The following ADGRL3 variants were observed in gnomAD, a reference collection of about 807,000 sequenced individuals.
The protein encoded by ADGRL3 is calcium-independent alpha-latrotoxin receptor 3.
ADGRL3 carries 62 observed loss-of-function variants against 153.5 expected under a neutral mutation model. The ratio of observed to expected loss-of-function variants is 0.40; its 90% CI spans 0.33 to 0.50. The LOEUF (loss-of-function observed/expected upper bound fraction) is 0.50, where lower values mean the gene tolerates loss of function less well. Ranked by LOEUF, ADGRL3 falls within the 20% of genes least tolerant of loss-of-function variation. The pLI is 0.47. For missense variants in ADGRL3, 1,641 were observed against 1,859.4 expected (o/e 0.88, Z 2.16); for synonymous variants, 710 against 672.5 (o/e 1.06, Z -0.86).
rs975328225 is a variant in ADGRL3 at position 61,815,651 on chromosome 4, T to C, written c.1480+1762T>C. ...GTTTGTATCCCTGCCAAAATTCATA[T>C]TGAAACTTAATCATCAGTGCAACTG... is the stretch of plus-strand genomic sequence containing the variant. On this transcript the variant is annotated intron_variant, in intron 9 of 26. Transcript: ENST00000683033. 2.6e-5 allele frequency among the ~76,000 whole-genome samples: 4 copies of C among 152,246 alleles called. No individual in the cohort carries two copies. The East Asian group carries it at 5.8e-4, about 22-fold the overall frequency.
chr4:61,925,631 C>A (rs2098791158), intron 13 of ADGRL3, among the ~76,000 whole-genome samples: 1 of 151,996 alleles, frequency 6.6e-6, no homozygotes, highest in African/African-American at 2.4e-5. Context: ...AAAGCAGGAG[C>A]AAGAGAGAGA....
intron 1 of ADGRL3, among the ~76,000 whole-genome samples, chr4:61,308,052 G>T (rs576350620): frequency 6.6e-6 from 1 of 152,240 alleles, no homozygotes; most frequent in Non-Finnish European, 1.5e-5. Context: ...AGATCTCTCT[G>T]AAAACAAGAG....
chr4:61,470,939 A>G (rs568643815), intron 2 of ADGRL3, among the ~76,000 whole-genome samples: 1 of 152,076 alleles, frequency 6.6e-6, no homozygotes, highest in Non-Finnish European at 1.5e-5. Flanking sequence ...TGCAAAGAAT[A>G]TATTTTAGAA....
At chr4:61,949,121 G>A (rs2098937180) in intron 17 of ADGRL3, among the ~76,000 whole-genome samples, 1 of 151,926 alleles carries the variant, frequency 6.6e-6, no homozygotes, top group African/African-American at 2.4e-5. Flanking sequence ...GTATGGGGTT[G>A]AAAACTTCAG....
chr4:61,794,051 A>G (rs539194612), intron 8 of ADGRL3, among the ~76,000 whole-genome samples: 28 of 152,244 alleles, frequency 1.8e-4, no homozygotes, highest in Non-Finnish European at 3.8e-4. Flanking sequence ...AAAAGGTGCT[A>G]GGTGCTATTT....
intron 5 of ADGRL3, among the ~76,000 whole-genome samples, chr4:61,635,074 A>G (rs530563701): frequency 7.2e-5 from 11 of 152,268 alleles, no homozygotes; most frequent in Non-Finnish European, 1.5e-4. Context: ...ACTGAGAACT[A>G]AAAGAAGGGC....
intron 2 of ADGRL3, among the ~76,000 whole-genome samples, chr4:61,412,590 T>C (rs1221076507): frequency 6.6e-6 from 1 of 152,218 alleles, no homozygotes; most frequent in Non-Finnish European, 1.5e-5. Flanking sequence ...TCTTTTGTTG[T>C]AGTTTCTGAG....
At position 61,899,470 on chromosome 4, in the gene ADGRL3, G is replaced by A. The variant is rs1323588889; in HGVS notation, c.1887+3636G>A. 2.6e-5 allele frequency among the ~76,000 whole-genome samples: 4 copies of A among 151,590 alleles called. No homozygotes were observed. The East Asian group carries it at 7.8e-4, about 29-fold the overall frequency. The stretch of plus-strand genomic sequence containing the variant: ...GTTTTGTGAATTTCAAACTTGTAAA[G>A]CAAAGGAACACTTTTTACCCCCAAT... On this transcript the variant is annotated intron_variant, in intron 11 of 26. Coordinates refer to ENST00000683033, the MANE Select transcript of ADGRL3 (RefSeq NM_001387552.1).
chr4:61,220,707 C>T (rs2149012862), intron 1 of ADGRL3, among the ~76,000 whole-genome samples: 1 of 152,250 alleles, frequency 6.6e-6, no homozygotes, highest in East Asian at 1.9e-4. Context: ...TTTCAATCTT[C>T]AGGGACTTCC....
At chr4:61,659,690 C>G (rs999819027) in intron 5 of ADGRL3, among the ~76,000 whole-genome samples, 2 of 151,876 alleles carry the variant, frequency 1.3e-5, no homozygotes, top group Non-Finnish European at 2.9e-5. Context: ...GTTCATACAG[C>G]CTTGGGGAAA....
chr4:61,746,160 T>C (rs1345542316), intron 8 of ADGRL3, among the ~76,000 whole-genome samples: 2 of 152,116 alleles, frequency 1.3e-5, no homozygotes, highest in African/African-American at 4.8e-5. Flanking sequence ...GAGCTAACTA[T>C]CCTAAATATA....
chr4:61,831,383 G>A (rs374477830), intron 9 of ADGRL3, among the ~76,000 whole-genome samples: 3 of 78,614 alleles, frequency 3.8e-5, no homozygotes, highest in African/African-American at 1.4e-4. Flanking sequence ...AAAACGTCAT[G>A]AAGATGAAGA....
At chr4:61,889,977 C>T (rs375608113) in intron 9 of ADGRL3, among the ~76,000 whole-genome samples, 3 of 152,100 alleles carry the variant, frequency 2.0e-5, no homozygotes, top group Non-Finnish European at 4.4e-5. Flanking sequence ...ACATAATCCT[C>T]GAGAAGGGAA....
At chr4:61,462,269 A>G (rs370444100) in intron 2 of ADGRL3, among the ~76,000 whole-genome samples, 115 of 152,312 alleles carry the variant, frequency 7.6e-4, no homozygotes, top group Admixed American at 4.1e-3. Context: ...TTGCTCTTGC[A>G]TGAAATCTAC....
chr4:61,932,166 G>A (rs142864823), intron 13 of ADGRL3, among the ~76,000 whole-genome samples: 32 of 151,954 alleles, frequency 2.1e-4, no homozygotes, highest in Non-Finnish European at 3.2e-4. Flanking sequence ...ATTTCAGTTT[G>A]GATGCCTATT....
intron 1 of ADGRL3, among the ~76,000 whole-genome samples, chr4:61,372,866 CTAGCAATCAGCGAGACT>C (rs2096554063): frequency 3.9e-5 from 6 of 152,182 alleles, no homozygotes; most frequent in Non-Finnish European, 4.4e-5. Flanking sequence ...GACTGCTGTG[CTAGCAATCAGCGAGACT>C]CCGTGGGGCA....
intron 8 of ADGRL3, among the ~76,000 whole-genome samples, chr4:61,781,262 G>A (rs1040910684): frequency 2.7e-5 from 4 of 149,702 alleles, no homozygotes; most frequent in African/African-American, 9.9e-5. Flanking sequence ...GGAAGCAGAG[G>A]TTGCAGTGAG....
chr4:61,400,633 G>C (rs1188642727), intron 2 of ADGRL3, among the ~76,000 whole-genome samples: 3 of 151,688 alleles, frequency 2.0e-5, no homozygotes, highest in Non-Finnish European at 4.4e-5. Context: ...AGTGGAAATG[G>C]GGAAAACTAT....
At chr4:61,626,348 G>A (rs190453879) in intron 5 of ADGRL3, among the ~76,000 whole-genome samples, 47 of 151,890 alleles carry the variant, frequency 3.1e-4, no homozygotes, top group African/African-American at 1.1e-3. Flanking sequence ...TTCTTCAAAC[G>A]CAAAATTTAG....
Sources: allele counts gnomAD v4.1 joint callset (sites outside exome capture counted in the v4.1 genomes callset), GRCh38; gene constraint gnomAD v4.1.1; transcripts MANE v1.5; gene names NCBI Gene and HGNC (gene_info 2026-07-23, HGNC 2026-07-21).